CDH13: variants seen among roughly 807,000 people sequenced by gnomAD.
CDH13 encodes cadherin-13.
A neutral mutation model predicts 63.8 loss-of-function variants in CDH13; 24 were observed. The ratio of observed to expected loss-of-function variants is 0.38; its 90% CI spans 0.27 to 0.53. CDH13 has a LOEUF of 0.53. Ranked by LOEUF, CDH13 falls within the 20% of genes least tolerant of loss-of-function variation. The pLI, the probability that CDH13 is intolerant of heterozygous loss-of-function variation, is 0.85. For synonymous variants in CDH13, 503 were observed against 355.3 expected (o/e 1.42, Z -4.67); for missense variants, 1,049 against 903.1 (o/e 1.16, Z -2.07).
intron 2 of CDH13, among the ~76,000 whole-genome samples, chr16:82,980,078 G>C (rs569475972): frequency 2.7e-5 from 3 of 110,242 alleles, no homozygotes; most frequent in Admixed American, 2.7e-4. Flanking sequence ...CCAGGGGCTA[G>C]TGATGGCAGG....
chr16:83,584,721 A>G (rs1905977712), intron 7 of CDH13, among the ~76,000 whole-genome samples: 1 of 152,174 alleles, frequency 6.6e-6, no homozygotes, highest in Admixed American at 6.5e-5. Context: ...ACTACAAAGA[A>G]ATACCTGAGA....
chr16:83,501,834 T>C (rs2074290688), intron 7 of CDH13, among the ~76,000 whole-genome samples: 1 of 152,240 alleles, frequency 6.6e-6, no homozygotes, highest in African/African-American at 2.4e-5. Flanking sequence ...ATCAGACTCA[T>C]TTCAGGGATT....
chr16:83,756,394 T>G (rs576812845), intron 11 of CDH13, among the ~76,000 whole-genome samples: 2 of 152,330 alleles, frequency 1.3e-5, no homozygotes, highest in Non-Finnish European at 1.5e-5. Context: ...AAGAAAAATA[T>G]ACCTTGATAG....
At chr16:83,390,115 A>G (rs1298648841) in intron 6 of CDH13, among the ~76,000 whole-genome samples, 1 of 152,224 alleles carries the variant, frequency 6.6e-6, no homozygotes, top group Non-Finnish European at 1.5e-5. Context: ...ATCAGTGGTA[A>G]TACAAGAAAC....
chr16:82,898,192 C>T (rs936629162), intron 2 of CDH13, among the ~76,000 whole-genome samples: 1 of 152,124 alleles, frequency 6.6e-6, no homozygotes, highest in Non-Finnish European at 1.5e-5. Flanking sequence ...TAATTCCACC[C>T]ATTTCTTTTT....
intron 3 of CDH13, among the ~76,000 whole-genome samples, chr16:83,091,892 A>T (rs1310744993): frequency 6.6e-6 from 1 of 152,362 alleles, no homozygotes; most frequent in Middle Eastern, 3.4e-3. Flanking sequence ...GTGATTCATA[A>T]GTATTTTAAG....
chr16:83,631,876 A>T (rs545960229), intron 8 of CDH13, among the ~76,000 whole-genome samples: 1 of 152,172 alleles, frequency 6.6e-6, no homozygotes, highest in African/African-American at 2.4e-5. Flanking sequence ...CAAACCACGC[A>T]TCAAGGTCAT....
At chr16:82,991,968 C>T (rs1447854504) in intron 2 of CDH13, among the ~76,000 whole-genome samples, 4 of 152,000 alleles carry the variant, frequency 2.6e-5, no homozygotes, top group Admixed American at 2.0e-4. Context: ...GAGGATCAAT[C>T]ATGTCAAAAA....
chr16:82,725,087 T>C (rs2033016801), intron 1 of CDH13, among the ~76,000 whole-genome samples: 1 of 152,158 alleles, frequency 6.6e-6, no homozygotes, highest in Non-Finnish European at 1.5e-5. Context: ...GTGATGGTGA[T>C]GATGGTGTTG....
At chr16:83,480,099 C>A (rs916791623) in intron 6 of CDH13, among the ~76,000 whole-genome samples, 29 of 152,140 alleles carry the variant, frequency 1.9e-4, no homozygotes, top group African/African-American at 6.5e-4. Flanking sequence ...ACAACGTGGG[C>A]AGATCGCTTG....
intron 1 of CDH13, among the ~76,000 whole-genome samples, chr16:82,735,717 G>A (rs1307846357): frequency 1.3e-5 from 2 of 152,204 alleles, no homozygotes; most frequent in African/African-American, 2.4e-5. Context: ...AGGAAAGCGA[G>A]ACCACAATGT....
intron 1 of CDH13, among the ~76,000 whole-genome samples, chr16:82,813,847 A>G (rs1485372977): frequency 1.3e-5 from 2 of 152,180 alleles, no homozygotes; most frequent in Non-Finnish European, 2.9e-5. Context: ...GGTTTCAAGT[A>G]TTAGCTATTC....
intron 2 of CDH13, among the ~76,000 whole-genome samples, chr16:82,879,417 C>T (rs1485979868): frequency 5.4e-5 from 8 of 148,454 alleles, no homozygotes; most frequent in African/African-American, 2.0e-4. Flanking sequence ...GCAAATGATA[C>T]ATACTGTTTA....
rs1382481574 is a variant in CDH13 at position 83,682,925 on chromosome 16, T to TCCCCAA, written c.1538+4476_1538+4481dup. Among the ~76,000 whole-genome samples, 3 of 152,236 alleles carry TCCCCAA rather than the reference T, an allele frequency of 2.0e-5. No individual in the cohort carries two copies. The East Asian group carries it at 5.8e-4, about 29-fold the overall frequency. On this transcript the variant is annotated intron_variant, in intron 10 of 13. Transcript: ENST00000567109. ...TCCATGGTCAACATGGGAAGCCTTC[T>TCCCCAA]CCCCAACCCCAACCCCACTGAAACT...
chr16:82,766,389 T>C (rs376773993), intron 1 of CDH13, among the ~76,000 whole-genome samples: 2 of 152,150 alleles, frequency 1.3e-5, no homozygotes, highest in African/African-American at 4.8e-5. Flanking sequence ...TGATCTGAGG[T>C]TGGGGAATAT....
chr16:82,863,296 T>C (rs376590993), intron 2 of CDH13, among the ~76,000 whole-genome samples: 1 of 152,274 alleles, frequency 6.6e-6, no homozygotes, highest in East Asian at 1.9e-4. Flanking sequence ...AGTAGAGAAA[T>C]ATTCCCACTG....
At chr16:83,056,786 G>C (rs578031816) in intron 3 of CDH13, among the ~76,000 whole-genome samples, 6 of 151,606 alleles carry the variant, frequency 4.0e-5, no homozygotes, top group African/African-American at 1.5e-4. Flanking sequence ...TGCTGTTCTC[G>C]TGATAGTGAA....
At chr16:83,093,807 A>C (rs2034051491) in intron 3 of CDH13, among the ~76,000 whole-genome samples, 3 of 152,328 alleles carry the variant, frequency 2.0e-5, no homozygotes, top group Middle Eastern at 3.4e-3. Context: ...AGCATGTATA[A>C]GACAAGAAAA....
intron 6 of CDH13, among the ~76,000 whole-genome samples, chr16:83,470,437 A>C (rs551883167): frequency 6.6e-6 from 1 of 152,200 alleles, no homozygotes; most frequent in African/African-American, 2.4e-5. Flanking sequence ...TGCATAGGCC[A>C]TAGTGGAAGC....
Sources: gnomAD v4.1 joint callset for allele counts (sites outside exome capture counted in the v4.1 genomes callset) on GRCh38, gnomAD v4.1.1 for gene constraint, MANE v1.5 for transcripts, NCBI Gene and HGNC (gene_info 2026-07-23, HGNC 2026-07-21) for gene names.